The following SPAG16 variants were observed in gnomAD, a reference collection of about 807,000 sequenced individuals.
The protein encoded by SPAG16 is sperm-associated antigen 16 protein.
A neutral mutation model predicts 80.4 loss-of-function variants in SPAG16; 86 were observed. The observed-to-expected ratio is 1.07, with a 90% confidence interval of 0.90 to 1.28. The LOEUF is 1.28. Among genes scored for constraint, SPAG16 ranks in the 50% most tolerant of loss-of-function variants. The pLI is 0.00. For missense variants in SPAG16, 870 were observed against 765.3 expected (o/e 1.14, Z -1.61); for synonymous variants, 294 against 265.9 (o/e 1.11, Z -1.03).
At chr2:213,536,692 T>C (rs1234722533) in intron 10 of SPAG16, among the ~76,000 whole-genome samples, 6 of 152,178 alleles carry the variant, frequency 3.9e-5, no homozygotes, top group African/African-American at 7.2e-5. Flanking sequence ...TTTTTTCTTG[T>C]AAATTTGTTT....
chr2:213,833,071 G>A (rs1457797595), intron 10 of SPAG16, among the ~76,000 whole-genome samples: 6 of 151,066 alleles, frequency 4.0e-5, no homozygotes, highest in East Asian at 1.9e-4. Flanking sequence ...TTTTCATATC[G>A]CTGTGTTCTT....
Position 213,375,052 on chromosome 2 carries a change from C to T in SPAG16, c.875C>T (p.Thr292Ile). ...REKENAPEGPTQKGLREAREQ... is the reference protein window; with the variant it reads ...REKENAPEGPIQKGLREAREQ... ...AAAGAAAATGCACCAGAAGGTCCTA[C>T]TCAGAAAGGTCTTCGTGAAGCCAGG... The change falls in exon 9 of 16, where the codon ACT (threonine) becomes ATT (isoleucine). Residue 292 changes from threonine to isoleucine, a missense_variant. Physicochemically the swap from Thr to Ile is moderately conservative, Grantham distance 89 (BLOSUM62 -1). Coordinates refer to ENST00000331683, the MANE Select transcript of SPAG16 (RefSeq NM_024532.5). 8.7e-6 allele frequency: 14 copies of T among 1,610,824 alleles called. No individual in the cohort carries two copies. The highest frequency in any genetic ancestry group is 1.2e-5 in the Non-Finnish European group (14 of 1,178,660).
chr2:213,440,836 G>T (rs527283249), intron 9 of SPAG16, among the ~76,000 whole-genome samples: 1 of 152,226 alleles, frequency 6.6e-6, no homozygotes, highest in East Asian at 1.9e-4. Flanking sequence ...TCTTGAATAA[G>T]AAAGGATTTC....
intron 15 of SPAG16, among the ~76,000 whole-genome samples, chr2:214,340,823 A>T (rs1009133312): frequency 6.6e-6 from 1 of 152,148 alleles, no homozygotes; most frequent in Non-Finnish European, 1.5e-5. Context: ...TCTCTGCCCC[A>T]CTGGGTTTTC....
intron 10 of SPAG16, among the ~76,000 whole-genome samples, chr2:213,509,145 T>G (rs1207344899): frequency 6.6e-6 from 1 of 152,068 alleles, no homozygotes; most frequent in Non-Finnish European, 1.5e-5. Context: ...TAAAGGCACC[T>G]GCCACCACAC....
chr2:214,169,171 A>G (rs1041480159), intron 15 of SPAG16, among the ~76,000 whole-genome samples: 13 of 152,112 alleles, frequency 8.5e-5, no homozygotes, highest in Admixed American at 8.5e-4. Context: ...TTGAGTATTC[A>G]TAATTAAATT....
intron 10 of SPAG16, among the ~76,000 whole-genome samples, chr2:213,567,605 G>C (rs1354421718): frequency 1.3e-5 from 1 of 74,560 alleles, no homozygotes; most frequent in Non-Finnish European, 2.4e-5. Context: ...GTGTATATGT[G>C]CCACATTTTC....
chr2:214,049,255 C>T (rs1254916672), intron 13 of SPAG16, among the ~76,000 whole-genome samples: 1 of 152,158 alleles, frequency 6.6e-6, no homozygotes, highest in Non-Finnish European at 1.5e-5. Flanking sequence ...TTAAATGGAG[C>T]TTTGTTGTAT....
At chr2:213,590,831 CA>C (rs1025007698) in intron 10 of SPAG16, among the ~76,000 whole-genome samples, 3 of 151,940 alleles carry the variant, frequency 2.0e-5, no homozygotes, top group Non-Finnish European at 4.4e-5. Flanking sequence ...ATCATTTTAC[CA>C]AAAAGACACC....
intron 9 of SPAG16, chr2:213,396,665 C>A (rs1397152373): frequency 6.6e-6 from 3 of 456,326 alleles, no homozygotes; most frequent in African/African-American, 6.0e-5. Flanking sequence ...GACAAGAGAA[C>A]AACAGTGCAC....
At chr2:213,359,840 T>C (rs13397646) in intron 7 of SPAG16, among the ~76,000 whole-genome samples, 33,129 of 152,156 alleles carry the variant, frequency 0.22, 4,441 homozygotes, top group Non-Finnish European at 0.31. Context: ...TGCAGAAATC[T>C]GTCTTCTGTG....
intron 10 of SPAG16, among the ~76,000 whole-genome samples, chr2:213,676,744 T>C (rs2064100259): frequency 6.6e-6 from 1 of 150,804 alleles, no homozygotes; most frequent in Non-Finnish European, 1.5e-5. Context: ...CACTTGATCA[T>C]GGTGGATAAG....
At position 213,313,045 on chromosome 2, in the gene SPAG16, A is replaced by G. The variant is rs559370901; in HGVS notation, c.398+2868A>G. ...ATTTGATCTTACTGCTGTTTCTTCAATTAATGAGAACTTGGCTTCTAGTTA... is the reference window on the plus strand; with the variant it reads ...ATTTGATCTTACTGCTGTTTCTTCAGTTAATGAGAACTTGGCTTCTAGTTA... On this transcript the variant is annotated intron_variant, in intron 4 of 15. Transcript: ENST00000331683. Among the ~76,000 whole-genome samples the G allele has an allele frequency of 2.0e-4, 31 of 151,982 alleles. 2 individuals are homozygous for G. In the South Asian group the frequency reaches 3.7e-3, roughly 18 times the overall value.
intron 15 of SPAG16, among the ~76,000 whole-genome samples, chr2:214,243,882 C>T (rs146317797): frequency 3.0e-4 from 45 of 152,178 alleles, no homozygotes; most frequent in African/African-American, 1.0e-3. Context: ...GAAGGAGTTC[C>T]TCAAATCTGC....
rs1491408614 is a variant in SPAG16 at position 214,323,335 on chromosome 2, T to TA, written c.1721-86805_1721-86804insA. On this transcript the variant is annotated intron_variant, in intron 15 of 15. Transcript: ENST00000331683. Reference sequence around the variant, plus strand: ...TTGTGAGATTAAATATATATATATATTTATTTATTTATTTATTTATTTAAA... The same window carrying TA: ...TTGTGAGATTAAATATATATATATATATTATTTATTTATTTATTTATTTAAA... 7.1e-4 allele frequency among the ~76,000 whole-genome samples: 106 copies of TA among 149,340 alleles called. 1 individual carries two copies. Among genetic ancestry groups the TA allele is most frequent in the African/African-American group, 2.3e-3 (93 of 40,936 alleles).
At chr2:213,473,240 C>G (rs2073182823) in intron 9 of SPAG16, among the ~76,000 whole-genome samples, 2 of 152,212 alleles carry the variant, frequency 1.3e-5, no homozygotes, top group Non-Finnish European at 2.9e-5. Context: ...TTTGTCTCTG[C>G]TATCCATTAC....
intron 14 of SPAG16, among the ~76,000 whole-genome samples, chr2:214,127,403 A>G (rs1489645174): frequency 2.6e-5 from 4 of 151,714 alleles, no homozygotes; most frequent in African/African-American, 7.2e-5. Context: ...TTCCTTTCAA[A>G]CCCCAAAAGG....
intron 15 of SPAG16, among the ~76,000 whole-genome samples, chr2:214,305,314 G>A (rs945225476): frequency 6.6e-6 from 1 of 152,120 alleles, no homozygotes; most frequent in African/African-American, 2.4e-5. Context: ...CTCCCATTCT[G>A]TAGGTTTTCT....
At chr2:213,567,339 G>A (rs1415306383) in intron 10 of SPAG16, among the ~76,000 whole-genome samples, 1 of 122,450 alleles carries the variant, frequency 8.2e-6, no homozygotes, top group Admixed American at 8.3e-5. Flanking sequence ...CCACTAATGT[G>A]TCATCTAGCA....
Sources: allele counts gnomAD v4.1 joint callset (sites outside exome capture counted in the v4.1 genomes callset), GRCh38; gene constraint gnomAD v4.1.1; transcripts MANE v1.5; gene names NCBI Gene and HGNC (gene_info 2026-07-23, HGNC 2026-07-21).